The following LIN52 variants were observed in gnomAD, a reference collection of about 807,000 sequenced individuals.
LIN52 encodes protein lin-52 homolog.
LIN52 carries 4 observed loss-of-function variants against 18.5 expected under a neutral mutation model. The observed-to-expected ratio is 0.22, with a 90% confidence interval of 0.11 to 0.49. The LOEUF (loss-of-function observed/expected upper bound fraction) is 0.49. Among genes scored for constraint, LIN52 ranks in the 20% least tolerant of loss-of-function variants. The probability of loss-of-function intolerance (pLI) is 0.97; values close to 1 mark genes in which losing one functional copy is unlikely to be tolerated. For missense variants in LIN52, 102 were observed against 139.5 expected (o/e 0.73, Z 1.35); for synonymous variants, 34 against 45.5 (o/e 0.75, Z 1.02).
chr14:74,132,929 T>C lies in LIN52; in HGVS notation c.283+31691T>C, dbSNP rs940511946. ...TAAAATGAAAATGACATTTGGGTTCTGTGAAGTGTAAAACGGACCTCAAAT... is the reference window on the plus strand; with the variant it reads ...TAAAATGAAAATGACATTTGGGTTCCGTGAAGTGTAAAACGGACCTCAAAT... On this transcript the variant is annotated intron_variant, in intron 5 of 5. Coordinates refer to ENST00000555028, the MANE Select transcript of LIN52 (RefSeq NM_001024674.3). Among the ~76,000 whole-genome samples the C allele has an allele frequency of 2.0e-5, 3 of 152,150 alleles. No individual in the cohort carries two copies. In the East Asian group the frequency reaches 5.8e-4, roughly 29 times the overall value.
intron 5 of LIN52, among the ~76,000 whole-genome samples, chr14:74,130,894 G>A (rs1420430229): frequency 1.3e-5 from 2 of 151,034 alleles, no homozygotes; most frequent in Admixed American, 6.6e-5. Flanking sequence ...CCCTAAATAG[G>A]CTTTTAATTG....
At chr14:74,169,003 G>A (rs1161365289) in intron 5 of LIN52, among the ~76,000 whole-genome samples, 4 of 152,160 alleles carry the variant, frequency 2.6e-5, no homozygotes, top group Non-Finnish European at 4.4e-5. Context: ...CCAGTGTGCC[G>A]AGATCACGCC....
chr14:74,179,858 A>G (rs2061310469), intron 5 of LIN52, among the ~76,000 whole-genome samples: 1 of 152,180 alleles, frequency 6.6e-6, no homozygotes, highest in Non-Finnish European at 1.5e-5. Context: ...GGAACTGGAA[A>G]CAAAATGAAA....
At chr14:74,151,339 A>G (rs2061176087) in intron 5 of LIN52, among the ~76,000 whole-genome samples, 1 of 152,204 alleles carries the variant, frequency 6.6e-6, no homozygotes, top group Non-Finnish European at 1.5e-5. Flanking sequence ...TTAATGTAGT[A>G]TTCCTTTAAG....
intron 5 of LIN52, among the ~76,000 whole-genome samples, chr14:74,126,779 G>A (rs937394741): frequency 6.6e-6 from 1 of 152,176 alleles, no homozygotes; most frequent in Non-Finnish European, 1.5e-5. Flanking sequence ...GGATTTTTGT[G>A]GGGAAGGTGA....
chr14:74,103,938 T>A (rs1371159289), intron 5 of LIN52, among the ~76,000 whole-genome samples: 1 of 149,106 alleles, frequency 6.7e-6, no homozygotes, highest in Admixed American at 6.7e-5. Context: ...TGTCGCCAGG[T>A]TGGAGGTTGA....
At chr14:74,105,278 G>A (rs986889670) in intron 5 of LIN52, among the ~76,000 whole-genome samples, 8 of 151,902 alleles carry the variant, frequency 5.3e-5, no homozygotes, top group Admixed American at 2.6e-4. Flanking sequence ...CATTTAATTC[G>A]GCCACCTTCA....
In LIN52 at chr14:74,152,519, C is replaced by T. The variant is rs190433034; in HGVS notation, c.284-46403C>T. Among the ~76,000 whole-genome samples, 122 of 152,184 alleles carry T rather than the reference C, an allele frequency of 8.0e-4. 1 individual carries two copies. The East Asian group carries it at 0.021, about 26-fold the overall frequency. On this transcript the variant is annotated intron_variant, in intron 5 of 5. Transcript: ENST00000555028. The stretch of plus-strand genomic sequence containing the variant: ...ACAGCCCTGTAAGTTGGAACATTGT[C>T]GCCATTTTACAGTTGGCAAAGGTCT...
chr14:74,145,554 A>G (rs186908771), intron 5 of LIN52, among the ~76,000 whole-genome samples: 5 of 152,320 alleles, frequency 3.3e-5, no homozygotes, highest in Admixed American at 6.5e-5. Context: ...ATCTTTGTCC[A>G]TGGCATTTTT....
intron 5 of LIN52, among the ~76,000 whole-genome samples, chr14:74,167,576 A>G (rs2061255013): frequency 1.3e-5 from 2 of 152,142 alleles, no homozygotes; most frequent in Admixed American, 1.3e-4. Context: ...TATGTCCAGA[A>G]ATTCTTAACA....
Position 74,113,630 on chromosome 14 carries a change from A to G in LIN52, c.283+12392A>G, listed in dbSNP as rs564297717. ...GGAGGGCCTTGAACTCCAGGGGTCA[A>G]GGAGTTATTCTCAGTGGTAGTAGGG... On this transcript the variant is annotated intron_variant, in intron 5 of 5. Transcript: ENST00000555028. Among the ~76,000 whole-genome samples, 150 of 152,302 alleles carry G rather than the reference A, an allele frequency of 9.8e-4. 1 individual carries two copies. The highest frequency in any genetic ancestry group is 3.6e-3 in the African/African-American group (150 of 41,562).
At chr14:74,110,316 A>C (rs748900046) in intron 5 of LIN52, among the ~76,000 whole-genome samples, 3 of 152,168 alleles carry the variant, frequency 2.0e-5, no homozygotes, top group African/African-American at 7.2e-5. Context: ...CTTGAAGCCA[A>C]GTGTTTGTAA....
chr14:74,188,906 C>T (rs1238953596), intron 5 of LIN52, among the ~76,000 whole-genome samples: 1 of 152,142 alleles, frequency 6.6e-6, no homozygotes, highest in Non-Finnish European at 1.5e-5. Flanking sequence ...AGATGTAACC[C>T]TTTCCCTTCC....
chr14:74,193,087 A>C (rs11625982), intron 5 of LIN52, among the ~76,000 whole-genome samples: 46,829 of 152,036 alleles, frequency 0.31, 9,237 homozygotes, highest in Non-Finnish European at 0.42. Flanking sequence ...ATGGGGATAA[A>C]TACTGATTCT....
intron 5 of LIN52, among the ~76,000 whole-genome samples, chr14:74,179,758 G>A (rs1369572772): frequency 6.6e-6 from 1 of 151,832 alleles, no homozygotes; most frequent in Non-Finnish European, 1.5e-5. Context: ...CACCCCCCTT[G>A]TGGTTTAATT....
chr14:74,109,988 TG>T (rs1442781788), intron 5 of LIN52, among the ~76,000 whole-genome samples: 1 of 152,186 alleles, frequency 6.6e-6, no homozygotes, highest in African/African-American at 2.4e-5. Context: ...AGTACAGTGT[TG>T]AATAGACGTG....
At chr14:74,097,742 G>T in intron 3 of LIN52, 52 bp from the exon 4 acceptor site, 1 of 1,298,568 alleles carries the variant, frequency 7.7e-7, no homozygotes, top group East Asian at 2.3e-5. Flanking sequence ...AAGAATAATA[G>T]GGTCTCCTCA....
intron 5 of LIN52, among the ~76,000 whole-genome samples, chr14:74,180,334 C>T (rs766850069): frequency 6.8e-6 from 1 of 146,250 alleles, no homozygotes; most frequent in Admixed American, 6.9e-5. Flanking sequence ...GGCATGATCT[C>T]GGCTCACTGC....
At chr14:74,092,941 ATTTG>A (rs2060783267) in intron 2 of LIN52, among the ~76,000 whole-genome samples, 1 of 150,758 alleles carries the variant, frequency 6.6e-6, no homozygotes, top group Non-Finnish European at 1.5e-5. Context: ...AACTACACTT[ATTTG>A]TTTGTTTGTG....
Sources: allele counts gnomAD v4.1 joint callset (sites outside exome capture counted in the v4.1 genomes callset), GRCh38; gene constraint gnomAD v4.1.1; transcripts MANE v1.5; gene names NCBI Gene and HGNC (gene_info 2026-07-23, HGNC 2026-07-21).